The following CAMK1D variants were observed in gnomAD, a reference collection of about 807,000 sequenced individuals.
The protein encoded by CAMK1D is calcium/calmodulin dependent protein kinase ID, also known as calcium/calmodulin-dependent protein kinase type 1D.
Under a neutral mutation model 47.7 loss-of-function variants are expected in CAMK1D, and 9 were observed. That is an observed-to-expected ratio of 0.19 (90% confidence interval 0.11 to 0.33). The LOEUF is 0.33. Among genes scored for constraint, CAMK1D ranks in the 10% least tolerant of loss-of-function variants. CAMK1D has a pLI of 1.00. For missense variants in CAMK1D, 291 were observed against 488.7 expected (o/e 0.60, Z 3.81); for synonymous variants, 184 against 184.9 (o/e 0.99, Z 0.04).
intron 1 of CAMK1D, among the ~76,000 whole-genome samples, chr10:12,418,597 ACTCT>A (rs1461166332): frequency 1.3e-5 from 2 of 151,916 alleles, no homozygotes; most frequent in African/African-American, 4.8e-5. Flanking sequence ...ACAGAGCAAG[ACTCT>A]CTCTTATTTT....
intron 2 of CAMK1D, among the ~76,000 whole-genome samples, chr10:12,589,010 A>G (rs1837918395): frequency 6.6e-6 from 1 of 151,924 alleles, no homozygotes; most frequent in Non-Finnish European, 1.5e-5. Flanking sequence ...CATTATATAC[A>G]CACATATTTG....
At chr10:12,387,219 G>T (rs1197376677) in intron 1 of CAMK1D, among the ~76,000 whole-genome samples, 2 of 148,138 alleles carry the variant, frequency 1.4e-5, no homozygotes, top group Admixed American at 1.4e-4. Flanking sequence ...AAAAAAAAAA[G>T]TTACCGTTAC....
chr10:12,688,356 A>C (rs942876880), intron 3 of CAMK1D, among the ~76,000 whole-genome samples: 17 of 152,202 alleles, frequency 1.1e-4, no homozygotes, highest in Non-Finnish European at 2.4e-4. Context: ...TTTCATCCCC[A>C]AAAAACTAAA....
intron 1 of CAMK1D, among the ~76,000 whole-genome samples, chr10:12,545,452 G>GA (rs1836333178): frequency 1.6e-4 from 6 of 36,798 alleles, no homozygotes; most frequent in African/African-American, 4.4e-4. Context: ...CCATCTCACA[G>GA]TAAAAAAAAA....
intron 1 of CAMK1D, among the ~76,000 whole-genome samples, chr10:12,403,474 T>C (rs745474426): frequency 5.9e-5 from 9 of 152,204 alleles, no homozygotes; most frequent in Non-Finnish European, 8.8e-5. Context: ...GTTTCTTAGC[T>C]CAGTTTCCAG....
chr10:12,402,294 T>C (rs1839257122), intron 1 of CAMK1D, among the ~76,000 whole-genome samples: 1 of 152,098 alleles, frequency 6.6e-6, no homozygotes, highest in Non-Finnish European at 1.5e-5. Flanking sequence ...AGTGCAGTGA[T>C]GTGATCACAG....
intron 2 of CAMK1D, among the ~76,000 whole-genome samples, chr10:12,559,773 C>G (rs1169760778): frequency 1.3e-5 from 2 of 152,144 alleles, no homozygotes; most frequent in East Asian, 3.9e-4. Context: ...GCAGTAGTGG[C>G]AGTGCCAGGC....
At chr10:12,797,619 C>T (rs1341568327) in intron 6 of CAMK1D, among the ~76,000 whole-genome samples, 2 of 152,074 alleles carry the variant, frequency 1.3e-5, no homozygotes, top group African/African-American at 2.4e-5. Context: ...CAGCAGGCAT[C>T]GATTGTTTGT....
chr10:12,553,143 A>G (rs1836642325), intron 1 of CAMK1D, 82 bp from the exon 2 acceptor site: 2 of 1,601,076 alleles, frequency 1.2e-6, no homozygotes, highest in African/African-American at 2.7e-5. Flanking sequence ...TGTTTACTCA[A>G]ACTTCGGTGG....
chr10:12,788,439 G>T (rs143409408), intron 5 of CAMK1D, among the ~76,000 whole-genome samples: 9 of 152,234 alleles, frequency 5.9e-5, no homozygotes, highest in Admixed American at 5.9e-4. Context: ...CTGGAACCTA[G>T]CGCCTCCACC....
intron 2 of CAMK1D, among the ~76,000 whole-genome samples, chr10:12,594,325 G>A (rs770750680): frequency 6.6e-6 from 1 of 152,230 alleles, no homozygotes; most frequent in Non-Finnish European, 1.5e-5. Context: ...ATCTCAAGAT[G>A]TGGTAATTTC....
At chr10:12,815,565 T>G (rs1757057) in intron 7 of CAMK1D, among the ~76,000 whole-genome samples, 64,742 of 152,156 alleles carry the variant, frequency 0.43, 15,790 homozygotes, top group East Asian at 0.7. Flanking sequence ...GCCCAGTCCT[T>G]TGGGCATTGA....
intron 4 of CAMK1D, among the ~76,000 whole-genome samples, chr10:12,766,969 T>G (rs1836792500): frequency 6.6e-6 from 1 of 152,108 alleles, no homozygotes; most frequent in African/African-American, 2.4e-5. Context: ...CACTGCGATG[T>G]TGACACATCA....
chr10:12,627,937 C>A (rs537628061), intron 2 of CAMK1D, among the ~76,000 whole-genome samples: 38 of 152,114 alleles, frequency 2.5e-4, no homozygotes, highest in South Asian at 2.3e-3. Flanking sequence ...AAAATTTAGC[C>A]AGGCGTGGTG....
Position 12,680,150 on chromosome 10 carries a change from T to C in CAMK1D, c.299+13340T>C, listed in dbSNP as rs536082754. Among the ~76,000 whole-genome samples the C allele has an allele frequency of 3.9e-4, 60 of 152,326 alleles. 1 individual carries two copies. Among genetic ancestry groups the C allele is most frequent in the African/African-American group, 1.3e-3 (52 of 41,580 alleles). On this transcript the variant is annotated intron_variant, in intron 3 of 10. Transcript: ENST00000619168. ...GATGAGGCTAGAGGTGTAAACTTCC[T>C]AGTGTTCCCGTTTGGAAGATTTTTG...
chr10:12,774,613 C>T (rs1195405436), intron 5 of CAMK1D, among the ~76,000 whole-genome samples: 1 of 152,194 alleles, frequency 6.6e-6, no homozygotes, highest in Non-Finnish European at 1.5e-5. Flanking sequence ...CCCTCTAGGA[C>T]AGGGGTTCCT....
intron 1 of CAMK1D, among the ~76,000 whole-genome samples, chr10:12,515,472 G>A (rs1835177115): frequency 7.7e-6 from 1 of 130,486 alleles, no homozygotes; most frequent in African/African-American, 2.9e-5. Context: ...CATTGTGCAG[G>A]TTAGTTACAT....
rs10659393 is a variant in CAMK1D at position 12,391,976 on chromosome 10, AACACACAC to A, written c.92+42100_92+42107del. 5.9e-3 allele frequency among the ~76,000 whole-genome samples: 849 copies of A among 143,246 alleles called. 1 individual carries two copies. Among genetic ancestry groups the A allele is most frequent in the African/African-American group, 0.013 (483 of 37,928 alleles). The allele number at this position is 143,246 out of a possible 152,430, so 94.0% of individuals were successfully genotyped here. ...GATAGCAGAGCGAGACTTGTCTTAA[AACACACAC>A]ACACACACACACACACACACACACA... is the stretch of plus-strand genomic sequence containing the variant. On this transcript the variant is annotated intron_variant, in intron 1 of 10. Coordinates refer to ENST00000619168, the MANE Select transcript of CAMK1D (RefSeq NM_153498.4).
intron 1 of CAMK1D, among the ~76,000 whole-genome samples, chr10:12,401,895 C>CTATATATATATATATATA (rs10635900): frequency 6.8e-6 from 1 of 146,048 alleles, no homozygotes; most frequent in Non-Finnish European, 1.5e-5. Context: ...TATTCTCAGA[C>CTATATATATATATATATA]TATATATATA....
Sources: gnomAD v4.1 joint callset for allele counts (sites outside exome capture counted in the v4.1 genomes callset) on GRCh38, gnomAD v4.1.1 for gene constraint, MANE v1.5 for transcripts, NCBI Gene and HGNC (gene_info 2026-07-23, HGNC 2026-07-21) for gene names.